CALHM4: variants seen among roughly 807,000 people sequenced by gnomAD.
CALHM4 encodes the protein calcium homeostasis modulator protein 4.
In CALHM4, 16 loss-of-function variants were observed where a neutral mutation model predicts 13.3. The ratio of observed to expected loss-of-function variants is 1.20; its 90% CI spans 0.81 to 1.82. The LOEUF (loss-of-function observed/expected upper bound fraction) is 1.82. Among genes scored for constraint, CALHM4 ranks in the 40% most tolerant of loss-of-function variants. The probability of loss-of-function intolerance (pLI) is 0.00; values close to 1 mark genes in which losing one functional copy is unlikely to be tolerated. For synonymous variants in CALHM4, 127 were observed against 137.1 expected, an observed-to-expected ratio of 0.93 and a Z score of 0.52; for missense variants, 344 against 374.9, an observed-to-expected ratio of 0.92 and a Z score of 0.68.
At position 116,559,722 on chromosome 6, in the gene CALHM4, A is replaced by T. The variant is rs1349597833; in HGVS notation, c.*1511A>T. On this transcript the variant is annotated 3_prime_UTR_variant, in exon 2 of 2. Transcript: ENST00000368596. ...AATATTTTACCTCTTGGAAGAAAAT[A>T]ACTGAACTAAATAACTGCTTAAGGT... Among the ~76,000 whole-genome samples, 2 of 152,172 alleles carry T rather than the reference A, an allele frequency of 1.3e-5. No individual in the cohort carries two copies. The highest frequency in any genetic ancestry group is 6.5e-5 in the Admixed American group (1 of 15,270).
At chr6:116,530,807 G>A (rs532217803) in intron 1 of CALHM4, among the ~76,000 whole-genome samples, 17 of 150,096 alleles carry the variant, frequency 1.1e-4, no homozygotes, top group Non-Finnish European at 2.1e-4. Flanking sequence ...CACTAGTTAC[G>A]TGCCCCAAAT....
At chr6:116,532,292 G>C (rs1022862005) in intron 1 of CALHM4, among the ~76,000 whole-genome samples, 2 of 152,092 alleles carry the variant, frequency 1.3e-5, no homozygotes, top group Admixed American at 1.3e-4. Flanking sequence ...TGGAGAACGG[G>C]GTCTCGCTAT....
At chr6:116,543,163 A>G (rs1210716788) in intron 1 of CALHM4, 2 of 575,350 alleles carry the variant, frequency 3.5e-6, no homozygotes, top group African/African-American at 3.9e-5. Context: ...GTAAGAAATT[A>G]TGTTCAGCTT....
rs188564942 is a variant in CALHM4 at position 116,536,193 on chromosome 6, A to C, written c.-109+7003A>C. On this transcript the variant is annotated intron_variant, in intron 1 of 2. Coordinates refer to the CALHM4 transcript ENST00000368597. ...TAAAATTCTGTTTTAAAAATGGATG[A>C]ATTTTAATGTTGTAGGAATGAGACT... Among the ~76,000 whole-genome samples the C allele has an allele frequency of 1.7e-3, 264 of 152,306 alleles. 2 individuals carry two copies. The highest frequency in any genetic ancestry group is 5.8e-3 in the African/African-American group (239 of 41,564).
rs140575215 is a variant in CALHM4, at chr6:116,554,808, T to C, written c.558+457T>C. ...TATATTACTATCTCATCTAAAATTA[T>C]AAGAAGCTTAATTATGATGAAAAAT... On this transcript the variant is annotated intron_variant, in intron 1 of 1. Coordinates refer to ENST00000368596, the MANE Select transcript of CALHM4 (RefSeq NM_001366078.2). Among the ~76,000 whole-genome samples the C allele has an allele frequency of 2.6e-5, 4 of 152,338 alleles. No homozygotes were observed. In the East Asian group the frequency reaches 7.7e-4, roughly 29 times the overall value.
At chr6:116,535,372 A>T (rs1296412646) in intron 1 of CALHM4, among the ~76,000 whole-genome samples, 1 of 152,224 alleles carries the variant, frequency 6.6e-6, no homozygotes, top group Non-Finnish European at 1.5e-5. Context: ...GTGCTCATCT[A>T]CTGGTGAGGA....
intron 1 of CALHM4, among the ~76,000 whole-genome samples, chr6:116,530,947 T>A (rs1226722337): frequency 8.3e-6 from 1 of 121,050 alleles, no homozygotes; most frequent in African/African-American, 3.1e-5. Flanking sequence ...ATATATATGT[T>A]ACTAATTTCC....
chr6:116,542,695 G>C (rs1468152648), intron 1 of CALHM4, among the ~76,000 whole-genome samples: 1 of 152,094 alleles, frequency 6.6e-6, no homozygotes, highest in African/African-American at 2.4e-5. Context: ...AAGACAAAGA[G>C]AATGGGTCTC....
intron 1 of CALHM4, among the ~76,000 whole-genome samples, chr6:116,556,740 A>G (rs1774333617): frequency 6.6e-6 from 1 of 152,252 alleles, no homozygotes. Flanking sequence ...TTCTAAGAAT[A>G]GAAAACAGCC....
At chr6:116,538,890 C>T (rs902407904) in intron 1 of CALHM4, among the ~76,000 whole-genome samples, 21 of 152,126 alleles carry the variant, frequency 1.4e-4, no homozygotes, top group South Asian at 8.3e-4. Flanking sequence ...CCACCACGCC[C>T]GGCTAATTTT....
At chr6:116,553,069 G>A (rs182485287), upstream of CALHM4, among the ~76,000 whole-genome samples, 3 of 152,166 alleles carry the variant, frequency 2.0e-5, no homozygotes, top group Non-Finnish European at 4.4e-5. Flanking sequence ...GCGAGACTCC[G>A]TCTCAAAAAC....
At chr6:116,557,755 TC>T (rs1412283930) in intron 1 of CALHM4, 69 bp from the exon 2 acceptor site, 29 of 1,523,660 alleles carry the variant, frequency 1.9e-5, no homozygotes, top group Non-Finnish European at 2.5e-5. Flanking sequence ...GAATCCCCCC[TC>T]CCATGGCTGT....
intron 2 of CALHM4, among the ~76,000 whole-genome samples, chr6:116,547,256 T>A (rs965523502): frequency 4.6e-5 from 7 of 152,186 alleles, no homozygotes; most frequent in African/African-American, 1.4e-4. Flanking sequence ...CTGAGTAAGA[T>A]ACCCCAGAGA....
At chr6:116,539,385 A>T (rs887239915) in intron 1 of CALHM4, among the ~76,000 whole-genome samples, 1 of 152,234 alleles carries the variant, frequency 6.6e-6, no homozygotes, top group Non-Finnish European at 1.5e-5. Flanking sequence ...TAGCCATGAA[A>T]TAATACCAGT....
At chr6:116,552,707 A>G (rs1224599436), upstream of CALHM4, among the ~76,000 whole-genome samples, 3 of 152,178 alleles carry the variant, frequency 2.0e-5, no homozygotes, top group African/African-American at 4.8e-5. Context: ...TAGAAATTCT[A>G]TAATAAATAT....
chr6:116,532,659 T>C (rs534593321), intron 1 of CALHM4, among the ~76,000 whole-genome samples: 1 of 152,348 alleles, frequency 6.6e-6, no homozygotes, highest in African/African-American at 2.4e-5. Flanking sequence ...TTGTGAAACA[T>C]TTTTGCTTTC....
chr6:116,548,541 A>G (rs1773910556), intron 2 of CALHM4, among the ~76,000 whole-genome samples: 1 of 152,176 alleles, frequency 6.6e-6, no homozygotes, highest in Non-Finnish European at 1.5e-5. Flanking sequence ...TTACAATCCA[A>G]TAATGTTTTC....
intron 1 of CALHM4, among the ~76,000 whole-genome samples, chr6:116,541,127 A>G (rs1254017847): frequency 3.3e-5 from 5 of 152,104 alleles, no homozygotes; most frequent in Non-Finnish European, 7.4e-5. Context: ...TGCCTGAAGT[A>G]CAATCTTGAA....
At chr6:116,545,345 C>T in intron 2 of CALHM4, 1 of 644,798 alleles carries the variant, frequency 1.6e-6, no homozygotes, top group South Asian at 2.4e-5. Context: ...ATTTATGATT[C>T]ACTTCGCTGA....
Sources: allele counts gnomAD v4.1 joint callset (sites outside exome capture counted in the v4.1 genomes callset), GRCh38; gene constraint gnomAD v4.1.1; transcripts MANE v1.5; gene names NCBI Gene and HGNC (gene_info 2026-07-23, HGNC 2026-07-21).